Variants in AHCTF1 observed in about 807,000 individuals in gnomAD.
The protein encoded by AHCTF1 is protein ELYS.
A neutral mutation model predicts 248.4 loss-of-function variants in AHCTF1; 24 were observed. The ratio of observed to expected loss-of-function variants is 0.10; its 90% CI spans 0.07 to 0.14. The LOEUF is 0.14. AHCTF1 is among the 10% of genes least tolerant of loss of function. AHCTF1 has a pLI of 1.00. For missense variants in AHCTF1, 2,206 were observed against 2,636.2 expected (o/e 0.84, Z 3.57); for synonymous variants, 786 against 929.8 (o/e 0.85, Z 2.81).
Position 246,929,131 on chromosome 1 carries a change from G to C in AHCTF1, c.-8+2447C>G, listed in dbSNP as rs144970789. On this transcript the variant is annotated intron_variant, in intron 1 of 35. Coordinates refer to ENST00000648844, the MANE Select transcript of AHCTF1 (RefSeq NM_001323342.2). ...GGGAAATAAAAGAGTACAGTGGGCT[G>C]GGTGCGGTGGTTCACGCCTGTAATC... 4.1e-3 allele frequency among the ~76,000 whole-genome samples: 622 copies of C among 152,314 alleles called. 2 individuals are homozygous for C. Among genetic ancestry groups the C allele is most frequent in the Non-Finnish European group, 6.7e-3 (459 of 68,028 alleles).
intron 14 of AHCTF1, among the ~76,000 whole-genome samples, chr1:246,893,526 T>G (rs192356034): frequency 2.0e-5 from 3 of 152,232 alleles, no homozygotes; most frequent in African/African-American, 4.8e-5. Flanking sequence ...CTTTTTAGCC[T>G]TATTTTTGCA....
chr1:246,911,327 G>C (rs951896339), intron 4 of AHCTF1, among the ~76,000 whole-genome samples: 19 of 152,178 alleles, frequency 1.2e-4, no homozygotes, highest in African/African-American at 4.6e-4. Context: ...ATAAAAAGCA[G>C]TCAAACTATT....
intron 33 of AHCTF1, among the ~76,000 whole-genome samples, chr1:246,846,411 G>C (rs1172896548): frequency 6.6e-6 from 1 of 151,918 alleles, no homozygotes; most frequent in Non-Finnish European, 1.5e-5. Flanking sequence ...TTTGTTAAAG[G>C]AGTGAATACT....
In AHCTF1 at chr1:246,910,716, T is replaced by C. The variant is rs145634607; in HGVS notation, c.556+2516A>G. Among the ~76,000 whole-genome samples the C allele has an allele frequency of 1.8e-3, 267 of 152,322 alleles. 4 individuals are homozygous for C. The Middle Eastern group carries it at 0.027, about 16-fold the overall frequency. ...CATTGTTATAAAGGGGGAAAAATCA[T>C]ATCACACTGTCCTAGAACAGGGCCC... On this transcript the variant is annotated intron_variant, in intron 4 of 35. Transcript: ENST00000648844.
chr1:246,922,938 G>C (rs1051167643), intron 1 of AHCTF1, among the ~76,000 whole-genome samples: 11 of 134,644 alleles, frequency 8.2e-5, no homozygotes, highest in Admixed American at 1.7e-4. Flanking sequence ...AGCCGAGATT[G>C]CACCACTGCA....
At chr1:246,848,895 A>T (rs1451292505) in intron 33 of AHCTF1, among the ~76,000 whole-genome samples, 3 of 152,124 alleles carry the variant, frequency 2.0e-5, no homozygotes, top group Non-Finnish European at 4.4e-5. Flanking sequence ...CTAACCATTA[A>T]CACTTTTACA....
At chr1:246,910,510 G>T (rs1258832051) in intron 4 of AHCTF1, among the ~76,000 whole-genome samples, 2 of 152,252 alleles carry the variant, frequency 1.3e-5, no homozygotes, top group East Asian at 3.9e-4. Flanking sequence ...GGAGGAAAGG[G>T]GAATGAACTA....
chr1:246,860,002 C>T (rs576239928), intron 29 of AHCTF1, among the ~76,000 whole-genome samples: 22 of 152,120 alleles, frequency 1.4e-4, no homozygotes, highest in Non-Finnish European at 2.5e-4. Context: ...TGGCTCACGC[C>T]TGTAATCCCA....
At chr1:246,887,105 T>A in intron 20 of AHCTF1, 106 bp downstream of exon 20, 4 of 1,304,206 alleles carry the variant, frequency 3.1e-6, no homozygotes, top group Non-Finnish European at 4.2e-6. Context: ...TCCTCAACTA[T>A]TTTTAGTAGA....
intron 21 of AHCTF1, among the ~76,000 whole-genome samples, chr1:246,880,119 G>A (rs1328218218): frequency 6.6e-6 from 1 of 151,942 alleles, no homozygotes. Flanking sequence ...ACACTACTGG[G>A]TACTAAGAGG....
At chr1:246,914,029 G>C (rs1461923916) in intron 3 of AHCTF1, among the ~76,000 whole-genome samples, 1 of 152,136 alleles carries the variant, frequency 6.6e-6, no homozygotes, top group Non-Finnish European at 1.5e-5. Context: ...GCAGTCACTG[G>C]ATCACTGACA....
At chr1:246,894,363 G>C (rs1572427808) in intron 14 of AHCTF1, among the ~76,000 whole-genome samples, 1 of 152,128 alleles carries the variant, frequency 6.6e-6, no homozygotes, top group East Asian at 1.9e-4. Flanking sequence ...ACAACGTCAG[G>C]AGATCGAGAC....
intron 24 of AHCTF1, among the ~76,000 whole-genome samples, chr1:246,869,110 C>T (rs1274058503): frequency 6.6e-6 from 1 of 150,878 alleles, no homozygotes; most frequent in Non-Finnish European, 1.5e-5. Flanking sequence ...TCCCAAAGTG[C>T]TGGATTACAG....
At chr1:246,872,645 G>T (rs897539077) in intron 24 of AHCTF1, among the ~76,000 whole-genome samples, 1 of 152,080 alleles carries the variant, frequency 6.6e-6, no homozygotes, top group Admixed American at 6.6e-5. Flanking sequence ...TAAGGATCAC[G>T]CTAGCCAAAC....
intron 1 of AHCTF1, among the ~76,000 whole-genome samples, chr1:246,929,543 A>G (rs1667180456): frequency 6.6e-6 from 1 of 152,236 alleles, no homozygotes; most frequent in African/African-American, 2.4e-5. Flanking sequence ...CAGAGTGGAA[A>G]CATCTCTTCC....
intron 1 of AHCTF1, among the ~76,000 whole-genome samples, chr1:246,929,206 C>T (rs1213934783): frequency 6.6e-6 from 1 of 151,980 alleles, no homozygotes; most frequent in East Asian, 1.9e-4. Context: ...CTCAGGAGTT[C>T]GAGATCACCC....
intron 21 of AHCTF1, among the ~76,000 whole-genome samples, chr1:246,885,229 A>G (rs1166316831): frequency 6.6e-6 from 1 of 152,220 alleles, no homozygotes; most frequent in Non-Finnish European, 1.5e-5. Flanking sequence ...CAGGATCCCC[A>G]TGGATACCAA....
chr1:246,887,100 A>C, intron 20 of AHCTF1, 111 bp downstream of exon 20: 2 of 1,251,428 alleles, frequency 1.6e-6, no homozygotes, highest in South Asian at 1.7e-5. Context: ...GTCCTTCCTC[A>C]ACTATTTTTA....
chr1:246,861,217 T>C lies in AHCTF1; in HGVS notation c.3814A>G (p.Ser1272Gly), dbSNP rs1464064159. The C allele has an allele frequency of 6.2e-7, 1 of 1,613,578 alleles. No homozygotes were observed. Among genetic ancestry groups the C allele is most frequent in the Non-Finnish European group, 8.5e-7 (1 of 1,179,918 alleles). ...AAAAAAGATGTGGTCCTATCTTTGCTCTTCAGCCATTCAGTTTCCACTGGA... is the reference window on the plus strand; with the variant it reads ...AAAAAAGATGTGGTCCTATCTTTGCCCTTCAGCCATTCAGTTTCCACTGGA... ...AVPVETEWLK[S>G]KDRTTSFFLN... The change falls in exon 29 of 36, where the codon AGC (serine) becomes GGC (glycine). Residue 1272 changes from serine to glycine, a missense_variant. Transcript: ENST00000648844.
Sources: allele counts gnomAD v4.1 joint callset (sites outside exome capture counted in the v4.1 genomes callset), GRCh38; gene constraint gnomAD v4.1.1; transcripts MANE v1.5; gene names NCBI Gene and HGNC (gene_info 2026-07-23, HGNC 2026-07-21).